IGSF11: variants seen among roughly 807,000 people sequenced by gnomAD.
IGSF11 encodes the protein CXADR like 1.
In IGSF11, 22 loss-of-function variants were observed where a neutral mutation model predicts 41.0. The observed-to-expected ratio is 0.54, with a 90% CI of 0.38 to 0.77. IGSF11 has a LOEUF of 0.77. Among genes scored for constraint, IGSF11 ranks in the 30% least tolerant of loss-of-function variants. The probability of loss-of-function intolerance (pLI) is 0.00; values close to 1 mark genes in which losing one functional copy is unlikely to be tolerated. For missense variants in IGSF11, 444 were observed against 530.8 expected (o/e 0.84, Z 1.61); for synonymous variants, 219 against 201.3 (o/e 1.09, Z -0.74).
intron 1 of IGSF11, among the ~76,000 whole-genome samples, chr3:118,971,926 T>C (rs903146259): frequency 2.6e-5 from 4 of 152,154 alleles, no homozygotes; most frequent in African/African-American, 4.8e-5. Context: ...AAGAATGGCA[T>C]GTTTAAGATA....
intron 1 of IGSF11, among the ~76,000 whole-genome samples, chr3:119,120,381 C>T (rs544840270): frequency 1.3e-5 from 2 of 152,310 alleles, no homozygotes; most frequent in East Asian, 3.9e-4. Flanking sequence ...CCTGGTTCTT[C>T]GTCTTGGCTG....
chr3:119,016,797 T>C (rs1938740243), intron 1 of IGSF11, among the ~76,000 whole-genome samples: 1 of 152,156 alleles, frequency 6.6e-6, no homozygotes. Flanking sequence ...AGGCCACCTC[T>C]GTGCTAGTCT....
At chr3:119,144,573 T>C (rs2077694097) in intron 1 of IGSF11, among the ~76,000 whole-genome samples, 1 of 149,502 alleles carries the variant, frequency 6.7e-6, no homozygotes, top group African/African-American at 2.5e-5. Context: ...GAAAAAAAAA[T>C]CACAGAAAAT....
chr3:118,979,279 G>A (rs946872639), intron 1 of IGSF11, among the ~76,000 whole-genome samples: 2 of 151,994 alleles, frequency 1.3e-5, no homozygotes, highest in Non-Finnish European at 2.9e-5. Flanking sequence ...GACACAATAA[G>A]GCAACCAAAT....
At chr3:118,930,323 G>C (rs753610488) in intron 1 of IGSF11, 48 bp from the exon 2 acceptor site, 5 of 1,535,600 alleles carry the variant, frequency 3.3e-6, no homozygotes, top group Admixed American at 2.1e-5. Flanking sequence ...TTTCCCAACA[G>C]TCCAAACTCC....
chr3:118,980,554 G>A (rs918109565), intron 1 of IGSF11, among the ~76,000 whole-genome samples: 7 of 152,124 alleles, frequency 4.6e-5, no homozygotes, highest in African/African-American at 9.7e-5. Context: ...GATAAAGAGA[G>A]GTTTGTTACA....
intron 1 of IGSF11, among the ~76,000 whole-genome samples, chr3:119,049,433 A>G (rs1359544159): frequency 2.0e-5 from 3 of 152,200 alleles, no homozygotes; most frequent in Admixed American, 6.5e-5. Flanking sequence ...TAGGAATCCA[A>G]CTTACAAGGG....
chr3:118,905,756 G>T (rs182401678), intron 4 of IGSF11, 38 bp from the exon 5 acceptor site: 37 of 1,609,852 alleles, frequency 2.3e-5, no homozygotes, highest in Non-Finnish European at 3.1e-5. Context: ...GATTTGGCGG[G>T]ACTAATAGCA....
At position 118,902,275 on chromosome 3, in the gene IGSF11, G is replaced by T; in HGVS notation, c.*245C>A. On this transcript the variant is annotated 3_prime_UTR_variant, in exon 7 of 7. Transcript: ENST00000393775. Reference sequence around the variant, plus strand: ...GCTCTTGTATCTTTTTCCTTGGCTTGGCACATCTTTGAGATCCAGCAGAAT... The same window carrying T: ...GCTCTTGTATCTTTTTCCTTGGCTTTGCACATCTTTGAGATCCAGCAGAAT... 2.2e-6 allele frequency: 1 copy of T among 458,462 alleles called. No homozygotes were observed. The highest frequency in any genetic ancestry group is 3.9e-6 in the Non-Finnish European group (1 of 256,998). The allele number at this position is 458,462 out of a possible 1,614,324, so 28.4% of individuals were successfully genotyped here. A position where few individuals can be genotyped will look rare whatever the true frequency, so the allele number is the denominator to read the frequency against.
intron 1 of IGSF11, among the ~76,000 whole-genome samples, chr3:119,091,803 C>A (rs1303173727): frequency 1.3e-5 from 2 of 151,856 alleles, no homozygotes; most frequent in Admixed American, 1.3e-4. Context: ...CATCACACAC[C>A]ATTCCCATGT....
chr3:119,119,969 G>A (rs1440744401), intron 1 of IGSF11, among the ~76,000 whole-genome samples: 1 of 152,140 alleles, frequency 6.6e-6, no homozygotes, highest in Admixed American at 6.6e-5. Context: ...ATTTGCTTAG[G>A]GAATTTTAAA....
At chr3:118,935,718 G>C (rs560885961) in intron 1 of IGSF11, among the ~76,000 whole-genome samples, 3 of 152,136 alleles carry the variant, frequency 2.0e-5, no homozygotes, top group Middle Eastern at 3.4e-3. Context: ...GGCCTAACAA[G>C]AGGGCTCGCT....
intron 1 of IGSF11, among the ~76,000 whole-genome samples, chr3:119,142,274 CAAAAAAAAAA>C (rs11328968): frequency 4.4e-4 from 36 of 81,732 alleles, no homozygotes; most frequent in African/African-American, 1.7e-3. Context: ...GACTCCATCT[CAAAAAAAAAA>C]AAAAAAAAAA....
At chr3:119,064,536 A>G (rs750519080) in intron 1 of IGSF11, among the ~76,000 whole-genome samples, 19 of 101,330 alleles carry the variant, frequency 1.9e-4, no homozygotes, top group Admixed American at 3.6e-4. Context: ...TTTTTTTTCC[A>G]TGTGAACTTA....
At chr3:118,917,804 A>T (rs1283362067) in intron 4 of IGSF11, among the ~76,000 whole-genome samples, 1 of 151,348 alleles carries the variant, frequency 6.6e-6, no homozygotes, top group African/African-American at 2.4e-5. Flanking sequence ...GACACAACCA[A>T]AAAAGAGAAT....
In IGSF11 at chr3:118,973,134, G is replaced by A. The variant is rs151283927; in HGVS notation, c.53-42859C>T. 8.8e-3 allele frequency among the ~76,000 whole-genome samples: 1,336 copies of A among 152,270 alleles called. 6 individuals carry two copies. Among genetic ancestry groups the A allele is most frequent in the Non-Finnish European group, 0.013 (918 of 68,020 alleles). On this transcript the variant is annotated intron_variant, in intron 1 of 6. Coordinates refer to ENST00000393775, the MANE Select transcript of IGSF11 (RefSeq NM_001015887.3). ...TCTCACCCAGGATCTCTCATCCAGG[G>A]ATATGCCCCGCCCAGCAGGGAGCAG...
chr3:119,083,858 C>A (rs2076627752), intron 1 of IGSF11, among the ~76,000 whole-genome samples: 1 of 152,108 alleles, frequency 6.6e-6, no homozygotes, highest in South Asian at 2.1e-4. Context: ...TATACTCCTT[C>A]TATTTATTTT....
chr3:118,913,271 A>T (rs1940585895), intron 4 of IGSF11, among the ~76,000 whole-genome samples: 1 of 152,180 alleles, frequency 6.6e-6, no homozygotes, highest in Non-Finnish European at 1.5e-5. Flanking sequence ...TCAAAAATAT[A>T]AGGACAGAGA....
At chr3:119,107,255 T>A (rs1405967309), upstream of IGSF11, among the ~76,000 whole-genome samples, 2 of 152,230 alleles carry the variant, frequency 1.3e-5, no homozygotes, top group Non-Finnish European at 2.9e-5. Context: ...ACCTGTTGTT[T>A]CCTGACTCTT....
Sources: allele counts gnomAD v4.1 joint callset (sites outside exome capture counted in the v4.1 genomes callset), GRCh38; gene constraint gnomAD v4.1.1; transcripts MANE v1.5; gene names NCBI Gene and HGNC (gene_info 2026-07-23, HGNC 2026-07-21).